The following PTPRT variants were observed in gnomAD, a reference collection of about 807,000 sequenced individuals.
PTPRT encodes the protein receptor-type tyrosine-protein phosphatase T.
In PTPRT, 56 loss-of-function variants were observed where a neutral mutation model predicts 176.8. The observed-to-expected ratio is 0.32, with a 90% CI of 0.26 to 0.40. PTPRT has a LOEUF of 0.40. Ranked by LOEUF, PTPRT falls within the 10% of genes least tolerant of loss-of-function variation. The probability of loss-of-function intolerance (pLI) is 1.00; values close to 1 mark genes in which losing one functional copy is unlikely to be tolerated. For synonymous variants in PTPRT, 783 were observed against 739.0 expected, an observed-to-expected ratio of 1.06 and a Z score of -0.96; for missense variants, 1,540 against 1,908.2, an observed-to-expected ratio of 0.81 and a Z score of 3.60.
intron 2 of PTPRT, among the ~76,000 whole-genome samples, chr20:42,881,642 T>C (rs1244236489): frequency 6.7e-6 from 1 of 149,124 alleles, no homozygotes; most frequent in Non-Finnish European, 1.5e-5. Flanking sequence ...TGAGAATCAC[T>C]TGAACCTGGG....
At chr20:42,186,489 G>C (rs1168237212) in intron 16 of PTPRT, among the ~76,000 whole-genome samples, 3 of 151,684 alleles carry the variant, frequency 2.0e-5, no homozygotes, top group Admixed American at 6.6e-5. Context: ...GTGGTAGAAG[G>C]AGTGTGACAA....
At chr20:42,837,299 A>C (rs543132250) in intron 2 of PTPRT, among the ~76,000 whole-genome samples, 2 of 152,256 alleles carry the variant, frequency 1.3e-5, no homozygotes, top group East Asian at 3.9e-4. Flanking sequence ...ACAACCCCTG[A>C]CACTCACAGG....
intron 7 of PTPRT, among the ~76,000 whole-genome samples, chr20:42,476,559 C>G (rs914310159): frequency 6.6e-6 from 1 of 152,086 alleles, no homozygotes; most frequent in Non-Finnish European, 1.5e-5. Flanking sequence ...TTACTGAAAT[C>G]TTGGGAGATG....
At chr20:43,134,439 G>A (rs745501768) in intron 1 of PTPRT, among the ~76,000 whole-genome samples, 5 of 152,140 alleles carry the variant, frequency 3.3e-5, no homozygotes, top group Non-Finnish European at 5.9e-5. Flanking sequence ...TCACCCTGGC[G>A]TGTCTTCAGG....
intron 1 of PTPRT, among the ~76,000 whole-genome samples, chr20:42,931,607 G>A (rs1979852166): frequency 6.6e-6 from 1 of 152,188 alleles, no homozygotes; most frequent in Admixed American, 6.5e-5. Flanking sequence ...TCATAGAAGA[G>A]GCAGAGCAAG....
chr20:42,572,015 C>G (rs542338399), intron 7 of PTPRT, among the ~76,000 whole-genome samples: 1 of 152,266 alleles, frequency 6.6e-6, no homozygotes, highest in Non-Finnish European at 1.5e-5. Flanking sequence ...TTATTAGCAA[C>G]AGAAATTCAT....
intron 26 of PTPRT, among the ~76,000 whole-genome samples, chr20:42,099,508 C>G (rs1485659966): frequency 8.2e-6 from 1 of 121,298 alleles, no homozygotes. Context: ...TCCCGTGTTG[C>G]AGATAGGGAA....
At chr20:42,114,679 A>G (rs1987182190) in intron 22 of PTPRT, among the ~76,000 whole-genome samples, 1 of 152,106 alleles carries the variant, frequency 6.6e-6, no homozygotes, top group Admixed American at 6.6e-5. Flanking sequence ...TTCTCCCCCA[A>G]GTTGTGTCAA....
intron 18 of PTPRT, among the ~76,000 whole-genome samples, chr20:42,133,323 A>G (rs1439928468): frequency 6.6e-6 from 1 of 152,226 alleles, no homozygotes; most frequent in African/African-American, 2.4e-5. Context: ...AGGAGCATTC[A>G]TTCGATATCC....
intron 6 of PTPRT, among the ~76,000 whole-genome samples, chr20:42,736,180 G>T (rs906088496): frequency 1.3e-5 from 2 of 152,136 alleles, no homozygotes; most frequent in Non-Finnish European, 2.9e-5. Flanking sequence ...TTACAATGGT[G>T]GGGAAAGTTT....
At chr20:42,612,899 T>G (rs2073998536) in intron 7 of PTPRT, among the ~76,000 whole-genome samples, 1 of 151,992 alleles carries the variant, frequency 6.6e-6, no homozygotes, top group African/African-American at 2.4e-5. Context: ...TTAGGATATG[T>G]TAACTAAAGC....
chr20:42,634,051 AT>A (rs2074526275), intron 7 of PTPRT, among the ~76,000 whole-genome samples: 11 of 31,692 alleles, frequency 3.5e-4, no homozygotes, highest in Non-Finnish European at 4.9e-4. Context: ...TTATATATAT[AT>A]TATAAATATA....
chr20:42,709,626 G>A (rs1191771670), intron 6 of PTPRT, among the ~76,000 whole-genome samples: 3 of 152,210 alleles, frequency 2.0e-5, no homozygotes, highest in Non-Finnish European at 4.4e-5. Context: ...AATGTAAAAT[G>A]GACTAACACA....
chr20:42,126,980 A>G (rs995981432), intron 19 of PTPRT, among the ~76,000 whole-genome samples: 6 of 152,226 alleles, frequency 3.9e-5, no homozygotes, highest in African/African-American at 4.8e-5. Flanking sequence ...TTGGCCATGT[A>G]GTAGGCCCTT....
chr20:42,493,957 A>G (rs1490668089), intron 7 of PTPRT, among the ~76,000 whole-genome samples: 4 of 151,936 alleles, frequency 2.6e-5, no homozygotes, highest in African/African-American at 9.7e-5. Context: ...CACATACTCA[A>G]TCACATTGCC....
rs75563456 is a variant in PTPRT at position 43,181,518 on chromosome 20, T to G, written c.88+8128A>C. On this transcript the variant is annotated intron_variant, in intron 1 of 30. Transcript: ENST00000373187. The stretch of plus-strand genomic sequence containing the variant: ...AAAAAAAGACACGGTGACCTCAGCT[T>G]CTCAGTAATACTCACTGAAACACAT... Among the ~76,000 whole-genome samples the G allele has an allele frequency of 2.5e-4, 38 of 152,330 alleles. 1 individual carries two copies. The East Asian group carries it at 7.1e-3, about 29-fold the overall frequency.
Position 42,075,271 on chromosome 20 carries a change from T to C in PTPRT, c.*5608A>G, listed in dbSNP as rs954497674. On this transcript the variant is annotated 3_prime_UTR_variant, in exon 31 of 31. Transcript: ENST00000373187. ...CTAAGAAGGAGCTCAGACTGTTAAGTAATGGGGAAGCCAAGTCAGGGATTT... is the reference window on the plus strand; with the variant it reads ...CTAAGAAGGAGCTCAGACTGTTAAGCAATGGGGAAGCCAAGTCAGGGATTT... 8.5e-6 allele frequency: 2 copies of C among 235,216 alleles called. No homozygotes were observed. Among genetic ancestry groups the C allele is most frequent in the African/African-American group, 4.4e-5 (2 of 45,430 alleles). The allele number at this position is 235,216 out of a possible 1,614,324, so 14.6% of individuals were successfully genotyped here. A position where few individuals can be genotyped will look rare whatever the true frequency, so the allele number is the denominator to read the frequency against.
chr20:42,403,290 A>G (rs781347651), intron 9 of PTPRT, among the ~76,000 whole-genome samples: 71 of 152,182 alleles, frequency 4.7e-4, no homozygotes, highest in Non-Finnish European at 2.4e-4. Flanking sequence ...TCATTTACCT[A>G]AACATTTCTC....
At chr20:42,713,434 C>T (rs6030433) in intron 6 of PTPRT, among the ~76,000 whole-genome samples, 17,963 of 152,126 alleles carry the variant, frequency 0.12, 1,439 homozygotes, top group African/African-American at 0.22. Flanking sequence ...CTGGAGCCCA[C>T]TACCCAAAGG....
Sources: gnomAD v4.1 joint callset for allele counts (sites outside exome capture counted in the v4.1 genomes callset) on GRCh38, gnomAD v4.1.1 for gene constraint, MANE v1.5 for transcripts, NCBI Gene and HGNC (gene_info 2026-07-23, HGNC 2026-07-21) for gene names.